CATSPER3: variants seen among roughly 807,000 people sequenced by gnomAD.
CATSPER3 encodes cation channel sperm associated 3.
In CATSPER3, 23 loss-of-function variants were observed where a neutral mutation model predicts 36.6. That is an observed-to-expected ratio of 0.63 (90% confidence interval 0.45 to 0.89). CATSPER3 has a LOEUF of 0.89. Among genes scored for constraint, CATSPER3 ranks in the 40% least tolerant of loss-of-function variants. CATSPER3 has a pLI of 0.00. For missense variants in CATSPER3, 474 were observed against 503.9 expected (o/e 0.94, Z 0.57); for synonymous variants, 172 against 184.1 (o/e 0.93, Z 0.53).
chr5:134,976,214 C>T (rs1277260555), intron 2 of CATSPER3, among the ~76,000 whole-genome samples: 1 of 152,196 alleles, frequency 6.6e-6, no homozygotes, highest in Non-Finnish European at 1.5e-5. Context: ...GCATCTGCTT[C>T]TGGTGATGCT....
chr5:135,002,235 T>C (rs1210889641), intron 3 of CATSPER3, among the ~76,000 whole-genome samples: 1 of 152,242 alleles, frequency 6.6e-6, no homozygotes, highest in African/African-American at 2.4e-5. Context: ...TTAGTTTGGC[T>C]GGATATGAAA....
intron 2 of CATSPER3, among the ~76,000 whole-genome samples, chr5:134,972,824 C>T (rs1751622785): frequency 6.6e-6 from 1 of 152,004 alleles, no homozygotes; most frequent in Non-Finnish European, 1.5e-5. Flanking sequence ...GGAGTTTGAA[C>T]AATAAACACC....
chr5:134,969,285 GCAGTTTTTGAGAGTGCTCAAT>G (rs1254818948), intron 1 of CATSPER3: 37 of 152,574 alleles, frequency 2.4e-4, no homozygotes, highest in African/African-American at 8.9e-4. Context: ...TATGCCTCTG[GCAGTTTTTGAGAGTGCTCAAT>G]CATACTACAC....
At chr5:135,009,878 A>G (rs1322024218) in intron 6 of CATSPER3, among the ~76,000 whole-genome samples, 2 of 152,208 alleles carry the variant, frequency 1.3e-5, no homozygotes, top group Non-Finnish European at 2.9e-5. Context: ...GTGCCAGACA[A>G]CCTTGGTTCT....
At chr5:134,970,154 A>G (rs1475820869) in intron 2 of CATSPER3, 62 bp downstream of exon 2, 12 of 1,513,018 alleles carry the variant, frequency 7.9e-6, no homozygotes, top group African/African-American at 6.9e-5. Context: ...TTCTGGAAAC[A>G]TTATAAGATT....
At position 134,987,885 on chromosome 5, in the gene CATSPER3, G is replaced by A. The variant is rs555707023; in HGVS notation, c.253-8388G>A. ...CGAAAAGCCTTCCCCCTAAAATTAG[G>A]AACAAGACTAATATGACTGCTTTCA... On this transcript the variant is annotated intron_variant, in intron 2 of 7. Transcript: ENST00000282611. Among the ~76,000 whole-genome samples the A allele has an allele frequency of 3.3e-5, 5 of 152,214 alleles. No individual in the cohort carries two copies. The South Asian group carries it at 1.0e-3, about 32-fold the overall frequency.
intron 5 of CATSPER3, 84 bp downstream of exon 5, chr5:135,009,065 G>GA: frequency 6.4e-7 from 1 of 1,554,842 alleles, no homozygotes; most frequent in Non-Finnish European, 8.9e-7. Flanking sequence ...AGGACCTGGA[G>GA]CTGTGTAGCT....
chr5:135,008,576 G>T (rs1752120705), intron 4 of CATSPER3, among the ~76,000 whole-genome samples: 1 of 152,090 alleles, frequency 6.6e-6, no homozygotes, highest in African/African-American at 2.4e-5. Context: ...TGGCAGAGAG[G>T]CAGTGTCTTT....
intron 2 of CATSPER3, among the ~76,000 whole-genome samples, chr5:134,978,032 C>T (rs766857617): frequency 2.0e-5 from 3 of 152,138 alleles, no homozygotes; most frequent in East Asian, 1.9e-4. Context: ...TCTGCTCCCA[C>T]GATCCAGTCA....
chr5:134,971,160 A>G (rs1751601142), intron 2 of CATSPER3, among the ~76,000 whole-genome samples: 1 of 152,130 alleles, frequency 6.6e-6, no homozygotes, highest in East Asian at 1.9e-4. Context: ...CGTGTTAGCC[A>G]GGATGGTCTC....
intron 1 of CATSPER3, 179 bp from the exon 2 acceptor site, chr5:134,969,760 A>C: frequency 1.5e-6 from 1 of 675,416 alleles, no homozygotes; most frequent in Non-Finnish European, 2.6e-6. Context: ...AGTATCCATG[A>C]TCATCATATA....
At chr5:134,978,469 C>T (rs951302716) in intron 2 of CATSPER3, among the ~76,000 whole-genome samples, 16 of 149,398 alleles carry the variant, frequency 1.1e-4, no homozygotes, top group African/African-American at 2.2e-4. Flanking sequence ...CGTTAAAAAA[C>T]AAAACACAAT....
intron 2 of CATSPER3, among the ~76,000 whole-genome samples, chr5:134,972,542 G>C (rs750359984): frequency 1.3e-5 from 2 of 152,058 alleles, no homozygotes; most frequent in Non-Finnish European, 2.9e-5. Context: ...ACAGATAATA[G>C]CTTAAGAGAA....
At chr5:135,005,294 T>C (rs537347792) in intron 3 of CATSPER3, among the ~76,000 whole-genome samples, 2 of 152,240 alleles carry the variant, frequency 1.3e-5, no homozygotes, top group African/African-American at 4.8e-5. Context: ...CTTGCAGGCA[T>C]GCACAGAGAC....
In CATSPER3 at chr5:135,001,465, C is replaced by T. The variant is rs534416856; in HGVS notation, c.492+4953C>T. ...ATAGATGTCTATTAGATCTGCTTGG[C>T]GCAGAGCTGAGTTCAATTCCTGGAT... On this transcript the variant is annotated intron_variant, in intron 3 of 7. Coordinates refer to ENST00000282611, the MANE Select transcript of CATSPER3 (RefSeq NM_178019.3). Among the ~76,000 whole-genome samples the T allele has an allele frequency of 9.2e-5, 14 of 152,262 alleles. No individual in the cohort carries two copies. In the South Asian group the frequency reaches 1.9e-3, roughly 20 times the overall value.
chr5:134,988,413 A>G (rs1751836127), intron 2 of CATSPER3, among the ~76,000 whole-genome samples: 1 of 152,238 alleles, frequency 6.6e-6, no homozygotes, highest in Non-Finnish European at 1.5e-5. Flanking sequence ...TGTTTGTTGA[A>G]ATATTACCCA....
intron 2 of CATSPER3, among the ~76,000 whole-genome samples, chr5:134,993,596 GAT>G (rs764976759): frequency 1.3e-4 from 20 of 152,108 alleles, no homozygotes; most frequent in Non-Finnish European, 2.6e-4. Flanking sequence ...GGGAAGTACA[GAT>G]ACGGTAGATA....
chr5:135,009,382 A>G lies in CATSPER3; in HGVS notation c.828A>G (p.Arg276=), dbSNP rs770334206. 21 of 1,613,452 alleles carry G rather than the reference A, an allele frequency of 1.3e-5. No individual in the cohort carries two copies. ...GTCTGACTCTCTAGGACTCCATCAG[A>G]AAGTTTGAGCGAGAGCTGATGTTGG... ...VMIMHTEDSI[R]KFERELMLEQ... Residue 276 remains arginine, a synonymous_variant, in exon 6 of 8, where the codon AGA becomes AGG. Coordinates refer to ENST00000282611, the MANE Select transcript of CATSPER3 (RefSeq NM_178019.3).
At chr5:135,007,052 T>A (rs1050717633) in intron 3 of CATSPER3, among the ~76,000 whole-genome samples, 2 of 152,134 alleles carry the variant, frequency 1.3e-5, no homozygotes, top group African/African-American at 4.8e-5. Flanking sequence ...CAAACTGTAC[T>A]GCCTTGTTTC....
Sources: allele counts gnomAD v4.1 joint callset (sites outside exome capture counted in the v4.1 genomes callset), GRCh38; gene constraint gnomAD v4.1.1; transcripts MANE v1.5; gene names NCBI Gene and HGNC (gene_info 2026-07-23, HGNC 2026-07-21).